Variants in CFAP99 observed in about 807,000 individuals in gnomAD.
CFAP99 encodes the protein cilia- and flagella-associated protein 99.
CFAP99 carries 84 observed loss-of-function variants against 82.7 expected under a neutral mutation model. That is an observed-to-expected ratio of 1.02 (90% confidence interval 0.85 to 1.22). The LOEUF is 1.22. Ranked by LOEUF, CFAP99 falls within the 50% of genes most tolerant of loss-of-function variation. The pLI is 0.00. For synonymous variants in CFAP99, 456 were observed against 429.5 expected, an observed-to-expected ratio of 1.06 and a Z score of -0.76; for missense variants, 1,059 against 983.5, an observed-to-expected ratio of 1.08 and a Z score of -1.03.
intron 2 of CFAP99, among the ~76,000 whole-genome samples, chr4:2,436,286 G>A (rs1733905999): frequency 6.6e-6 from 1 of 152,024 alleles, no homozygotes; most frequent in African/African-American, 2.4e-5. Context: ...TTGCAGAGAT[G>A]TTCCTTGCTC....
chr4:2,437,103 G>A (rs1055568214), intron 3 of CFAP99, 85 bp downstream of exon 3: 63 of 1,465,908 alleles, frequency 4.3e-5, no homozygotes, highest in Non-Finnish European at 3.0e-5. Context: ...GGCAGGCAGC[G>A]GGCAGGCGGG....
At chr4:2,451,428 G>C (rs1413732194) in intron 10 of CFAP99, 76 bp downstream of exon 10, 26 of 1,423,482 alleles carry the variant, frequency 1.8e-5, no homozygotes, top group Non-Finnish European at 2.4e-5. Flanking sequence ...GAGGGGCCTG[G>C]GGGCTGGGCA....
chr4:2,433,703 A>T lies in CFAP99; in HGVS notation c.112-3171A>T, dbSNP rs190622662. 3.5e-3 allele frequency among the ~76,000 whole-genome samples: 534 copies of T among 152,250 alleles called. 1 individual carries two copies. The highest frequency in any genetic ancestry group is 5.6e-3 in the Non-Finnish European group (380 of 67,998). Reference sequence around the variant, plus strand: ...AGGTGGCCATCTAGCCAAGAAAGGGACAGTAAACAAGCCATGCCGCGACTG... The same window carrying T: ...AGGTGGCCATCTAGCCAAGAAAGGGTCAGTAAACAAGCCATGCCGCGACTG... On this transcript the variant is annotated intron_variant, in intron 2 of 14. Coordinates refer to ENST00000635017, the Ensembl canonical transcript of CFAP99.
exon 6 of CFAP99, chr4:2,445,266 T>C: frequency 1.4e-6 from 2 of 1,403,544 alleles, no homozygotes; most frequent in Non-Finnish European, 1.8e-6. Flanking sequence ...CCCGCACCAT[T>C]CCAGCGCCCG....
At position 2,434,097 on chromosome 4, in the gene CFAP99, A is replaced by G. The variant is rs542143780; in HGVS notation, c.112-2777A>G. The stretch of plus-strand genomic sequence containing the variant: ...AGAGACACGCTGGGAGTAAGGAACC[A>G]CGTTTACTGCGCCGCAAGGTTGGCA... On this transcript the variant is annotated intron_variant, in intron 2 of 14. Coordinates refer to ENST00000635017, the Ensembl canonical transcript of CFAP99. 1.3e-4 allele frequency among the ~76,000 whole-genome samples: 20 copies of G among 152,312 alleles called. No individual in the cohort carries two copies. In the East Asian group the frequency reaches 2.7e-3, roughly 21 times the overall value.
At chr4:2,452,088 C>A (rs1338743326) in intron 10 of CFAP99, 54 bp from the exon 11 acceptor site, 2 of 1,517,354 alleles carry the variant, frequency 1.3e-6, no homozygotes, top group African/African-American at 1.4e-5. Context: ...GACCACCCAG[C>A]AGCCTCTGTC....
At chr4:2,441,228 C>T in intron 4 of CFAP99, among the ~76,000 whole-genome samples, 1 of 151,692 alleles carries the variant, frequency 6.6e-6, no homozygotes, top group Non-Finnish European at 1.5e-5. Flanking sequence ...AAAAAATTAG[C>T]CGGTCATGGT....
intron 1 of CFAP99, among the ~76,000 whole-genome samples, chr4:2,420,253 C>T (rs749217505): frequency 6.6e-6 from 1 of 152,080 alleles, no homozygotes; most frequent in Non-Finnish European, 1.5e-5. Context: ...CCTACAGTTA[C>T]ATGGTTTTAT....
At position 2,449,736 on chromosome 4, in the gene CFAP99, C is replaced by T. The variant is rs1011853863; in HGVS notation, c.709C>T (p.Arg237Cys). The change falls in exon 7 of 15, where the codon CGC (arginine) becomes TGC (cysteine). Residue 237 changes from arginine (R) to cysteine (C), a missense_variant. Arg to Cys is a radical substitution (Grantham distance 180). Coordinates refer to ENST00000635017, the Ensembl canonical transcript of CFAP99. ...GCTGGAGACAGTCAAGAGGTACAAC[C>T]GCCGAAAGGCCGAGGTGAGCTGTGT... The T allele has an allele frequency of 1.7e-4, 254 of 1,536,178 alleles. No homozygotes were observed. The highest frequency in any genetic ancestry group is 1.4e-3 in the African/African-American group (104 of 73,156).
chr4:2,445,540 C>T (rs1310712537), intron 6 of CFAP99, among the ~76,000 whole-genome samples: 1 of 152,144 alleles, frequency 6.6e-6, no homozygotes, highest in East Asian at 1.9e-4. Flanking sequence ...CACTGTGGTC[C>T]TATAAGTAGG....
rs1020948489 is a variant in CFAP99, at chr4:2,460,243, G to A, written c.1661+1G>A. ...CCATGGGGAGATCCGCAGCCTTGAG[G>A]TTGGTACTGGGCTCGGGGAGGGTGC... On this transcript the variant is annotated splice_donor_variant, in intron 14 of 14. Coordinates refer to ENST00000635017, the Ensembl canonical transcript of CFAP99. LOFTEE classifies it high-confidence loss of function. 5.9e-6 allele frequency: 9 copies of A among 1,536,092 alleles called. No individual in the cohort carries two copies. The Admixed American group carries it at 5.9e-5, about 10-fold the overall frequency.
intron 1 of CFAP99, among the ~76,000 whole-genome samples, chr4:2,423,324 C>T (rs1203789): frequency 0.16 from 24,829 of 152,256 alleles, 2,194 homozygotes; most frequent in East Asian, 0.33. Flanking sequence ...GGGACCCTCC[C>T]GAGGAGAGGG....
chr4:2,428,840 C>CGA (rs1165180476), intron 2 of CFAP99: 1 of 152,826 alleles, frequency 6.5e-6, no homozygotes, highest in Non-Finnish European at 1.5e-5. Context: ...TCCTTGACCT[C>CGA]TCCCGAGCCT....
chr4:2,420,357 C>T (rs1269207822), intron 1 of CFAP99, among the ~76,000 whole-genome samples: 6 of 152,162 alleles, frequency 3.9e-5, no homozygotes, highest in Non-Finnish European at 5.9e-5. Flanking sequence ...ACCATTTGGA[C>T]GCCTAACAGA....
intron 14 of CFAP99, 106 bp downstream of exon 14, chr4:2,460,348 CT>C: frequency 3.0e-6 from 3 of 1,015,152 alleles, no homozygotes; most frequent in Non-Finnish European, 4.4e-6. Context: ...CACCACCCTC[CT>C]GCCCAGGAAG....
chr4:2,458,862 C>T (rs1416991547), exon 12 of CFAP99: 1 of 1,533,754 alleles, frequency 6.5e-7, no homozygotes, highest in Admixed American at 2.0e-5. Flanking sequence ...CGACAGCAGA[C>T]AGGTAGTCAG....
intron 4 of CFAP99, 124 bp from the exon 5 acceptor site, chr4:2,443,006 G>A: frequency 2.6e-6 from 1 of 380,032 alleles, no homozygotes; most frequent in Admixed American, 4.3e-5. Flanking sequence ...GGGGGCCTTG[G>A]GGGGAGCCAC....
intron 2 of CFAP99, among the ~76,000 whole-genome samples, chr4:2,429,653 G>A (rs897214428): frequency 6.0e-5 from 9 of 150,624 alleles, no homozygotes; most frequent in African/African-American, 1.5e-4. Context: ...GTGCAGTGGC[G>A]CCATCTCTGC....
chr4:2,425,129 T>C (rs2108708353), intron 1 of CFAP99, among the ~76,000 whole-genome samples: 1 of 152,354 alleles, frequency 6.6e-6, no homozygotes, highest in South Asian at 2.1e-4. Flanking sequence ...AGCCCTCTCT[T>C]TTTCTCCAGC....
Sources: allele counts gnomAD v4.1 joint callset (sites outside exome capture counted in the v4.1 genomes callset), GRCh38; gene constraint gnomAD v4.1.1; transcripts MANE v1.5; gene names NCBI Gene and HGNC (gene_info 2026-07-23, HGNC 2026-07-21).